The following CERK variants were observed in gnomAD, a reference collection of about 807,000 sequenced individuals.
CERK encodes ceramide kinase.
In CERK, 39 loss-of-function variants were observed where a neutral mutation model predicts 63.4. The ratio of observed to expected loss-of-function variants is 0.61; its 90% CI spans 0.48 to 0.80. The LOEUF (loss-of-function observed/expected upper bound fraction) is 0.80. CERK is among the 30% of genes least tolerant of loss of function. The pLI is 0.00. For missense variants in CERK, 670 were observed against 714.1 expected, an observed-to-expected ratio of 0.94 and a Z score of 0.70; for synonymous variants, 302 against 280.0, an observed-to-expected ratio of 1.08 and a Z score of -0.78.
chr22:46,703,582 C>T (rs1170675296), intron 6 of CERK, among the ~76,000 whole-genome samples: 2 of 152,184 alleles, frequency 1.3e-5, no homozygotes, highest in African/African-American at 2.4e-5. Flanking sequence ...TGGGTGTCTC[C>T]CTCACCCTTA....
chr22:46,721,054 A>G, intron 1 of CERK, 39 bp from the exon 2 acceptor site: 3 of 1,309,640 alleles, frequency 2.3e-6, no homozygotes, highest in Non-Finnish European at 2.2e-6. Context: ...AGAATTCGTC[A>G]GAATCCACAC....
rs770507718 is a variant in CERK at position 46,690,045 on chromosome 22, G to A, written c.1488C>T (p.Asn496=). 2.5e-6 allele frequency: 4 copies of A among 1,613,264 alleles called. No individual in the cohort carries two copies. The East Asian group carries it at 6.7e-5, about 27-fold the overall frequency. The change falls in exon 12 of 13, where the codon AAC becomes AAT. Residue 496 remains asparagine, a synonymous_variant. Transcript: ENST00000216264. ...SHPSCCCTVS[N]SSWNCDGEVL... ...CCTCCCCGTCGCAGTTCCAGGAGCT[G>A]TTGGAGACGGTGCAGCAGCAGGAGG...
At chr22:46,716,593 A>G (rs2082867689) in intron 3 of CERK, among the ~76,000 whole-genome samples, 1 of 152,102 alleles carries the variant, frequency 6.6e-6, no homozygotes, top group Non-Finnish European at 1.5e-5. Context: ...AATAAATTCA[A>G]TAAAAGATTC....
At chr22:46,688,117 G>C (rs2082712673) in intron 12 of CERK, among the ~76,000 whole-genome samples, 1 of 152,160 alleles carries the variant, frequency 6.6e-6, no homozygotes, top group African/African-American at 2.4e-5. Flanking sequence ...GAACCTGGGA[G>C]GCAGAGGTTG....
At chr22:46,706,283 C>T (rs2082812537) in intron 6 of CERK, among the ~76,000 whole-genome samples, 2 of 152,198 alleles carry the variant, frequency 1.3e-5, no homozygotes, top group South Asian at 2.1e-4. Flanking sequence ...CCTCCCGAGC[C>T]GTCTGCTCCC....
chr22:46,716,411 G>A (rs1183550933), intron 3 of CERK, among the ~76,000 whole-genome samples: 10 of 149,884 alleles, frequency 6.7e-5, no homozygotes, highest in Middle Eastern at 3.2e-3. Context: ...GGCTGGTCCC[G>A]AACTCTTGAC....
intron 1 of CERK, among the ~76,000 whole-genome samples, chr22:46,731,564 C>G (rs1297286515): frequency 2.0e-5 from 3 of 152,238 alleles, no homozygotes; most frequent in Non-Finnish European, 4.4e-5. Context: ...TTGGAACATA[C>G]TGCAAAATAA....
At chr22:46,732,962 A>C (rs988717105) in intron 1 of CERK, among the ~76,000 whole-genome samples, 3 of 152,022 alleles carry the variant, frequency 2.0e-5, no homozygotes, top group African/African-American at 4.8e-5. Flanking sequence ...TAATCCCAGC[A>C]CTTAAGGAGG....
At chr22:46,731,799 G>A (rs1003166204) in intron 1 of CERK, among the ~76,000 whole-genome samples, 4 of 152,238 alleles carry the variant, frequency 2.6e-5, no homozygotes, top group African/African-American at 9.6e-5. Flanking sequence ...GCATGGGCGA[G>A]CAGTGCCTGG....
At chr22:46,703,741 A>G (rs1480786380) in intron 6 of CERK, among the ~76,000 whole-genome samples, 1 of 152,142 alleles carries the variant, frequency 6.6e-6, no homozygotes, top group Non-Finnish European at 1.5e-5. Flanking sequence ...GACCAAACGC[A>G]GAGAGCGATA....
intron 5 of CERK, 111 bp downstream of exon 5, chr22:46,710,975 G>A (rs1339279320): frequency 1.5e-5 from 12 of 787,038 alleles, no homozygotes; most frequent in East Asian, 1.1e-4. Flanking sequence ...ACAATTGGTC[G>A]TGGGTGGAGG....
intron 12 of CERK, 135 bp downstream of exon 12, chr22:46,689,857 T>C: frequency 4.9e-6 from 3 of 615,556 alleles, no homozygotes; most frequent in Non-Finnish European, 8.3e-6. Context: ...GAGAGAAAAG[T>C]GCATTTATAA....
chr22:46,690,988 T>C lies in CERK; in HGVS notation c.1332+584A>G, dbSNP rs985382145. On this transcript the variant is annotated intron_variant, in intron 11 of 12. Transcript: ENST00000216264. Reference sequence around the variant, plus strand: ...GTGTGTATATGTATGTATGTGTGTATATGTATGTATGTGTATGTATATACA... The same window carrying C: ...GTGTGTATATGTATGTATGTGTGTACATGTATGTATGTGTATGTATATACA... 2.8e-5 allele frequency among the ~76,000 whole-genome samples: 4 copies of C among 143,188 alleles called. No homozygotes were observed. In the South Asian group the frequency reaches 8.3e-4, roughly 30 times the overall value. The allele number at this position is 143,188 out of a possible 152,430, so 93.9% of individuals were successfully genotyped here. A position where few individuals can be genotyped will look rare whatever the true frequency, so the allele number is the denominator to read the frequency against.
intron 3 of CERK, among the ~76,000 whole-genome samples, chr22:46,718,065 G>A (rs2082874854): frequency 1.3e-5 from 2 of 151,872 alleles, no homozygotes; most frequent in Non-Finnish European, 1.5e-5. Flanking sequence ...ATGATGGAGT[G>A]AGATTGTCTC....
chr22:46,690,651 T>TA (rs1272451757), intron 11 of CERK, among the ~76,000 whole-genome samples: 1 of 152,044 alleles, frequency 6.6e-6, no homozygotes, highest in African/African-American at 2.4e-5. Context: ...AGAACTTAAG[T>TA]AAAAAAAGAA....
At chr22:46,725,298 C>G (rs889128497) in intron 1 of CERK, among the ~76,000 whole-genome samples, 6 of 152,202 alleles carry the variant, frequency 3.9e-5, no homozygotes, top group African/African-American at 1.4e-4. Flanking sequence ...TGCGGGGGCT[C>G]AGGAAACACT....
chr22:46,699,021 C>T (rs1252896851), intron 8 of CERK, among the ~76,000 whole-genome samples: 3 of 152,138 alleles, frequency 2.0e-5, no homozygotes, highest in South Asian at 2.1e-4. Flanking sequence ...GGTGGCCTGG[C>T]GTCTTGGGGT....
intron 10 of CERK, among the ~76,000 whole-genome samples, chr22:46,692,474 C>T (rs1044433436): frequency 3.6e-4 from 53 of 148,908 alleles, no homozygotes; most frequent in Non-Finnish European, 7.1e-4. Flanking sequence ...TGGCGGCAGG[C>T]GCCTGTAATC....
chr22:46,685,746 G>A lies in CERK; in HGVS notation c.*1388C>T, dbSNP rs1299497816. On this transcript the variant is annotated 3_prime_UTR_variant, in exon 13 of 13. Transcript: ENST00000216264. ...TCTGGGTGGGGCTAAACGAGGAAAC[G>A]AGAAGTTTCCTGTATGCTTCAAAAT... 2 of 152,190 alleles carry A rather than the reference G, an allele frequency of 1.3e-5. No individual in the cohort carries two copies. The highest frequency in any genetic ancestry group is 6.5e-5 in the Admixed American group (1 of 15,280). The allele number at this position is 152,190 out of a possible 1,614,324, so 9.4% of individuals were successfully genotyped here. A position where few individuals can be genotyped will look rare whatever the true frequency, so the allele number is the denominator to read the frequency against.
Sources: allele counts gnomAD v4.1 joint callset (sites outside exome capture counted in the v4.1 genomes callset), GRCh38; gene constraint gnomAD v4.1.1; transcripts MANE v1.5; gene names NCBI Gene and HGNC (gene_info 2026-07-23, HGNC 2026-07-21).